The following OLAH variants were observed in gnomAD, a reference collection of about 807,000 sequenced individuals.
The protein encoded by OLAH is oleoyl-ACP hydrolase.
A neutral mutation model predicts 27.8 loss-of-function variants in OLAH; 33 were observed. That is an observed-to-expected ratio of 1.19 (90% confidence interval 0.90 to 1.59). The LOEUF (loss-of-function observed/expected upper bound fraction) is 1.59. Ranked by LOEUF, OLAH falls within the 40% of genes most tolerant of loss-of-function variation. The probability of loss-of-function intolerance (pLI) is 0.00; values close to 1 mark genes in which losing one functional copy is unlikely to be tolerated. For missense variants in OLAH, 359 were observed against 310.8 expected (o/e 1.16, Z -1.17); for synonymous variants, 120 against 102.9 (o/e 1.17, Z -1.01).
At chr10:15,047,067 T>C (rs1844032875) in intron 1 of OLAH, 59 bp from the exon 2 acceptor site, 2 of 456,302 alleles carry the variant, frequency 4.4e-6, no homozygotes, top group African/African-American at 2.0e-5. Context: ...ACCACTGTCA[T>C]TTTTTTCTCT....
intron 5 of OLAH, 76 bp downstream of exon 5, chr10:15,064,578 C>A: frequency 1.3e-6 from 1 of 798,184 alleles, no homozygotes. Context: ...CATTATTTCT[C>A]TATCTGGTGA....
intron 4 of OLAH, 106 bp downstream of exon 4, chr10:15,061,968 T>G (rs1216468628): frequency 1.5e-5 from 16 of 1,045,394 alleles, no homozygotes; most frequent in Admixed American, 2.5e-5. Context: ...TTGTATTGGT[T>G]AGACAGCATG....
chr10:15,062,967 G>A (rs1483521151), intron 4 of OLAH, among the ~76,000 whole-genome samples: 2 of 152,078 alleles, frequency 1.3e-5, no homozygotes, highest in Non-Finnish European at 2.9e-5. Context: ...TCAAACTGCT[G>A]ACCTCGAGTG....
chr10:15,051,650 T>TA (rs1353632937), intron 3 of OLAH, among the ~76,000 whole-genome samples: 1 of 152,136 alleles, frequency 6.6e-6, no homozygotes, highest in East Asian at 1.9e-4. Flanking sequence ...CCTTCTCCTC[T>TA]AAAAAAACGG....
At chr10:15,034,119 T>TC (rs1246936595) in intron 1 of OLAH, among the ~76,000 whole-genome samples, 16 of 133,890 alleles carry the variant, frequency 1.2e-4, no homozygotes, top group Admixed American at 2.9e-4. Context: ...TTTTTTCTTT[T>TC]TTTTTTTTTT....
At chr10:15,043,669 T>G (rs1278821470), upstream of OLAH, among the ~76,000 whole-genome samples, 2 of 152,050 alleles carry the variant, frequency 1.3e-5, no homozygotes, top group Non-Finnish European at 2.9e-5. Flanking sequence ...AGTTTCACCA[T>G]GTTGGCCAGG....
Position 15,073,156 on chromosome 10 carries a change from A to C in OLAH, c.725A>C (p.Asp242Ala). Reference sequence around the variant, plus strand: ...CCAGGGGGTCACTTTTATCTTCTGGATCCTGCGAACGAGAAATTAATCAAG... The same window carrying C: ...CCAGGGGGTCACTTTTATCTTCTGGCTCCTGCGAACGAGAAATTAATCAAG... ...QLPGGHFYLLDPANEKLIKNY... is the reference protein window; with the variant it reads ...QLPGGHFYLLAPANEKLIKNY... The change falls in exon 8 of 8, where the codon GAT becomes GCT. Residue 242 changes from aspartate (D) to alanine (A), a missense_variant. Asp to Ala is a moderately radical substitution (Grantham distance 126, BLOSUM62 -2). Transcript: ENST00000378228. 6.2e-7 allele frequency: 1 copy of C among 1,611,972 alleles called. No individual in the cohort carries two copies. The highest frequency in any genetic ancestry group is 8.5e-7 in the Non-Finnish European group (1 of 1,178,118).
chr10:15,069,300 G>GT (rs768663614), intron 6 of OLAH, among the ~76,000 whole-genome samples: 1 of 152,120 alleles, frequency 6.6e-6, no homozygotes, highest in Non-Finnish European at 1.5e-5. Flanking sequence ...GTGTAGAATT[G>GT]TTTCTCATCC....
chr10:15,036,620 G>GGTGCATACTC (rs1843844248), intron 1 of OLAH, among the ~76,000 whole-genome samples: 1 of 152,116 alleles, frequency 6.6e-6, no homozygotes, highest in Non-Finnish European at 1.5e-5. Context: ...CTCCTGAGTA[G>GGTGCATACTC]CTGGGACTAC....
intron 1 of OLAH, among the ~76,000 whole-genome samples, chr10:15,037,355 C>A (rs1248918079): frequency 2.0e-5 from 3 of 151,894 alleles, no homozygotes; most frequent in Non-Finnish European, 4.4e-5. Flanking sequence ...CTAAGGCAGG[C>A]GGATCACCTG....
intron 4 of OLAH, 55 bp from the exon 5 acceptor site, chr10:15,064,348 A>G (rs1844424474): frequency 1.0e-5 from 10 of 994,276 alleles, no homozygotes; most frequent in Non-Finnish European, 1.6e-5. Context: ...CTTTCGGTGG[A>G]TCATCACGAG....
chr10:15,060,390 G>A (rs1844339766), intron 3 of OLAH, among the ~76,000 whole-genome samples: 1 of 152,060 alleles, frequency 6.6e-6, no homozygotes, highest in South Asian at 2.1e-4. Context: ...GGTTGGTCTT[G>A]AACTCCTGAC....
rs1844094899 is a variant in OLAH, at chr10:15,049,684, A to G, written c.82A>G (p.Lys28Glu). The G allele has an allele frequency of 1.9e-6, 3 of 1,608,854 alleles. No homozygotes were observed. The highest frequency in any genetic ancestry group is 1.3e-5 in the African/African-American group (1 of 74,796). ...CLYKNPEATF[K>E]LICFPWMGGG... The stretch of plus-strand genomic sequence containing the variant: ...ATACAAAAACCCTGAGGCAACTTTT[A>G]AGCTGATTTGCTTTCCCTGGATGGG... The change falls in exon 3 of 8, where the codon AAG (lysine) becomes GAG (glutamate). Residue 28 changes from lysine (K) to glutamate (E), a missense_variant. Transcript: ENST00000378228.
Position 15,073,192 on chromosome 10 carries a change from T to C in OLAH, c.761T>C (p.Ile254Thr), listed in dbSNP as rs1169455171. Residue 254 changes from isoleucine (I) to threonine (T), a missense_variant, in exon 8 of 8, where the codon ATC (isoleucine) becomes ACC (threonine). By Grantham distance (89) the Ile-to-Thr change is moderately conservative. Coordinates refer to ENST00000378228, the MANE Select transcript of OLAH (RefSeq NM_001039702.3). ...ANEKLIKNYI[I>T]KCLEVSSISN... ...GAGAAATTAATCAAGAACTACATAATCAAGTGTCTAGAAGTATCATCGATA... is the reference window on the plus strand; with the variant it reads ...GAGAAATTAATCAAGAACTACATAACCAAGTGTCTAGAAGTATCATCGATA... 1.9e-6 allele frequency: 3 copies of C among 1,607,350 alleles called. No individual in the cohort carries two copies. The African/African-American group carries it at 4.0e-5, about 22-fold the overall frequency.
rs1195085897 is a variant in OLAH at position 15,070,803 on chromosome 10, T to G, written c.573-992T>G. 8.3e-5 allele frequency among the ~76,000 whole-genome samples: 10 copies of G among 120,344 alleles called. No homozygotes were observed. In the South Asian group the frequency reaches 1.0e-3, roughly 12 times the overall value. The allele number at this position is 120,344 out of a possible 152,430, so 79.0% of individuals were successfully genotyped here. A position where few individuals can be genotyped will look rare whatever the true frequency, so the allele number is the denominator to read the frequency against. Reference sequence around the variant, plus strand: ...AACTTTTTTTTTTTTTTTTTTTTTTTGAGACAGGATCTTACTCTGTTGCTC... The same window carrying G: ...AACTTTTTTTTTTTTTTTTTTTTTTGGAGACAGGATCTTACTCTGTTGCTC... On this transcript the variant is annotated intron_variant, in intron 6 of 7. Coordinates refer to ENST00000378228, the MANE Select transcript of OLAH (RefSeq NM_001039702.3).
Position 15,065,756 on chromosome 10 carries a change from A to T in OLAH, c.572+3A>T, listed in dbSNP as rs1844455587. 2 of 1,586,446 alleles carry T rather than the reference A, an allele frequency of 1.3e-6. No individual in the cohort carries two copies. The highest frequency in any genetic ancestry group is 1.7e-6 in the Non-Finnish European group (2 of 1,169,828). ...CTGAACATTGTTAGAAGTTGCACGT[A>T]AGTAACAGAAACAAGGTTTTTTCTT... On this transcript the variant is annotated splice_donor_region_variant and intron_variant, in intron 6 of 7. Transcript: ENST00000378228.
intron 3 of OLAH, among the ~76,000 whole-genome samples, chr10:15,050,632 C>A (rs1433133610): frequency 6.8e-6 from 1 of 147,304 alleles, no homozygotes; most frequent in Non-Finnish European, 1.5e-5. Flanking sequence ...AGCTCCGCTT[C>A]CGGGTTCACA....
chr10:15,039,101 C>A (rs1490425994), upstream of OLAH, among the ~76,000 whole-genome samples: 1 of 151,782 alleles, frequency 6.6e-6, no homozygotes, highest in Non-Finnish European at 1.5e-5. Context: ...TGGTGTGCAC[C>A]TCTAGTCCTA....
intron 3 of OLAH, chr10:15,056,995 T>C: frequency 7.1e-7 from 1 of 1,405,558 alleles, no homozygotes; most frequent in Non-Finnish European, 9.4e-7. Flanking sequence ...AGGTTTTTTG[T>C]GTTGAAAATG....
Sources: allele counts gnomAD v4.1 joint callset (sites outside exome capture counted in the v4.1 genomes callset), GRCh38; gene constraint gnomAD v4.1.1; transcripts MANE v1.5; gene names NCBI Gene and HGNC (gene_info 2026-07-23, HGNC 2026-07-21).